DIS3L2: variants seen among roughly 807,000 people sequenced by gnomAD.
The protein encoded by DIS3L2 is DIS3 like 3'-5' exoribonuclease 2.
In DIS3L2, 34 loss-of-function variants were observed where a neutral mutation model predicts 97.5. That is an observed-to-expected ratio of 0.35 (90% CI 0.27 to 0.46). The LOEUF (loss-of-function observed/expected upper bound fraction) is 0.46. Ranked by LOEUF, DIS3L2 falls within the 20% of genes least tolerant of loss-of-function variation. The probability of loss-of-function intolerance (pLI) is 1.00; values close to 1 mark genes in which losing one functional copy is unlikely to be tolerated. For missense variants in DIS3L2, 1,038 were observed against 1,146.0 expected, an observed-to-expected ratio of 0.91 and a Z score of 1.36; for synonymous variants, 435 against 445.2, an observed-to-expected ratio of 0.98 and a Z score of 0.29.
intron 9 of DIS3L2, among the ~76,000 whole-genome samples, chr2:232,185,560 C>T (rs1691409145): frequency 6.6e-6 from 1 of 152,214 alleles, no homozygotes; most frequent in South Asian, 2.1e-4. Flanking sequence ...CAAGGCTGGG[C>T]ATGGTGGCTT....
intron 5 of DIS3L2, among the ~76,000 whole-genome samples, chr2:232,070,400 C>G (rs1454580913): frequency 6.6e-6 from 1 of 152,072 alleles, no homozygotes; most frequent in Non-Finnish European, 1.5e-5. Context: ...GATATTCTGT[C>G]AAATTGCCTA....
chr2:232,329,788 C>CCGGGGGCG, intron 14 of DIS3L2, 25 bp from the exon 15 acceptor site: 1 of 1,080,634 alleles, frequency 9.3e-7, no homozygotes, highest in Non-Finnish European at 1.3e-6. Flanking sequence ...CCAGCGGTCC[C>CCGGGGGCG]TCCCATCCCA....
chr2:232,089,951 A>G (rs922031075), intron 6 of DIS3L2, among the ~76,000 whole-genome samples: 1 of 152,056 alleles, frequency 6.6e-6, no homozygotes, highest in South Asian at 2.1e-4. Flanking sequence ...TCCTTTTGAG[A>G]TAGGGTCTCA....
At chr2:232,183,594 A>G (rs1691351573) in intron 9 of DIS3L2, among the ~76,000 whole-genome samples, 1 of 152,170 alleles carries the variant, frequency 6.6e-6, no homozygotes, top group African/African-American at 2.4e-5. Flanking sequence ...ATCCCCAGGA[A>G]TGTGTCAGAC....
intron 6 of DIS3L2, among the ~76,000 whole-genome samples, chr2:232,100,720 A>G (rs1202842219): frequency 6.6e-6 from 1 of 151,264 alleles, no homozygotes; most frequent in East Asian, 1.9e-4. Flanking sequence ...TGTATATTTA[A>G]TTCTTTATAG....
chr2:232,222,768 G>C (rs1438013172), intron 10 of DIS3L2, among the ~76,000 whole-genome samples: 1 of 152,166 alleles, frequency 6.6e-6, no homozygotes, highest in Non-Finnish European at 1.5e-5. Flanking sequence ...CACCCAGCTG[G>C]TGAGTGAACA....
At chr2:232,211,061 C>G (rs1168434542) in intron 10 of DIS3L2, among the ~76,000 whole-genome samples, 3 of 151,904 alleles carry the variant, frequency 2.0e-5, no homozygotes, top group Admixed American at 1.3e-4. Context: ...GCAATTGACT[C>G]TCAAAGAAAA....
At chr2:232,120,098 A>T (rs1461789210) in intron 6 of DIS3L2, among the ~76,000 whole-genome samples, 1 of 152,208 alleles carries the variant, frequency 6.6e-6, no homozygotes, top group Non-Finnish European at 1.5e-5. Flanking sequence ...AAGATGTAGA[A>T]CCATATCCCT....
At chr2:232,289,330 T>C (rs1694535028) in intron 13 of DIS3L2, among the ~76,000 whole-genome samples, 1 of 151,946 alleles carries the variant, frequency 6.6e-6, no homozygotes, top group South Asian at 2.1e-4. Flanking sequence ...GAGATCGCAG[T>C]GGCACCATCT....
intron 1 of DIS3L2, among the ~76,000 whole-genome samples, chr2:231,974,041 T>TAA (rs150413505): frequency 6.6e-6 from 1 of 152,010 alleles, no homozygotes; most frequent in African/African-American, 2.4e-5. Context: ...CTAATACAGT[T>TAA]AAAAAAATAT....
chr2:232,059,731 G>T (rs1695649458), intron 5 of DIS3L2, among the ~76,000 whole-genome samples: 2 of 152,134 alleles, frequency 1.3e-5, no homozygotes, highest in Admixed American at 1.3e-4. Context: ...AGAACATGTG[G>T]TATTTGGTTT....
intron 6 of DIS3L2, among the ~76,000 whole-genome samples, chr2:232,108,637 T>C (rs1454249367): frequency 1.3e-5 from 2 of 152,234 alleles, no homozygotes; most frequent in African/African-American, 2.4e-5. Flanking sequence ...GCAGATGACA[T>C]GATTGTATAT....
At chr2:231,961,915 T>A (rs1461103856) in intron 1 of DIS3L2, 150 bp downstream of exon 1, 1 of 152,374 alleles carries the variant, frequency 6.6e-6, no homozygotes, top group Non-Finnish European at 1.5e-5. Flanking sequence ...GCCTCTGGCG[T>A]TGCTCCCCGG....
At chr2:232,091,098 T>A (rs1359832993) in intron 6 of DIS3L2, among the ~76,000 whole-genome samples, 1 of 152,194 alleles carries the variant, frequency 6.6e-6, no homozygotes, top group Non-Finnish European at 1.5e-5. Context: ...GATTGAACTT[T>A]TACCACTTTA....
rs553462885 is a variant in DIS3L2 at position 232,240,320 on chromosome 2, G to T, written c.1317+1675G>T. On this transcript the variant is annotated intron_variant, in intron 11 of 20. Transcript: ENST00000325385. ...GCTTTGCCTACCATTCACATTAGGT[G>T]ATCAGAACCACCATGTACGTGTTTT... Among the ~76,000 whole-genome samples the T allele has an allele frequency of 3.9e-5, 6 of 152,320 alleles. No homozygotes were observed. The South Asian group carries it at 8.3e-4, about 21-fold the overall frequency.
rs546268247 is a variant in DIS3L2, at chr2:231,962,534, A to G, written c.-94+769A>G. Among the ~76,000 whole-genome samples, 10 of 149,752 alleles carry G rather than the reference A, an allele frequency of 6.7e-5. No individual in the cohort carries two copies. The Admixed American group carries it at 6.7e-4, about 10-fold the overall frequency. On this transcript the variant is annotated intron_variant, in intron 1 of 20. Coordinates refer to ENST00000325385, the MANE Select transcript of DIS3L2 (RefSeq NM_152383.5). ...ACTGCAAGCTCCGCCTCCTGGGTTC[A>G]TGCCATTCTTCTGCCTCAGCCTCCC...
Position 232,336,879 on chromosome 2 carries a change from GCCC to G in DIS3L2, c.*253_*255del. The G allele has an allele frequency of 7.5e-7, 1 of 1,326,878 alleles. No individual in the cohort carries two copies. Among genetic ancestry groups the G allele is most frequent in the East Asian group, 3.4e-5 (1 of 29,512 alleles). The allele number at this position is 1,326,878 out of a possible 1,614,324, so 82.2% of individuals were successfully genotyped here. ...AGGCCCCAGTCCTCCTGGGAGGCTG[GCCC>G]CCCTTTTTTCTGGGCCCTACTGCCC... On this transcript the variant is annotated 3_prime_UTR_variant, in exon 21 of 21. Coordinates refer to ENST00000325385, the MANE Select transcript of DIS3L2 (RefSeq NM_152383.5).
chr2:232,261,609 G>A (rs11903071), intron 12 of DIS3L2, among the ~76,000 whole-genome samples: 12,747 of 152,194 alleles, frequency 0.084, 707 homozygotes, highest in African/African-American at 0.15. Flanking sequence ...TCCTCACAGC[G>A]TCTCCAGAAC....
intron 5 of DIS3L2, among the ~76,000 whole-genome samples, chr2:232,083,123 T>C (rs571132911): frequency 6.6e-6 from 1 of 151,860 alleles, no homozygotes; most frequent in South Asian, 2.1e-4. Context: ...ACATTGGAAT[T>C]GTGGGAGCTA....
Sources: gnomAD v4.1 joint callset for allele counts (sites outside exome capture counted in the v4.1 genomes callset) on GRCh38, gnomAD v4.1.1 for gene constraint, MANE v1.5 for transcripts, NCBI Gene and HGNC (gene_info 2026-07-23, HGNC 2026-07-21) for gene names.